The following UBE4B variants were observed in gnomAD, a reference collection of about 807,000 sequenced individuals.
The protein encoded by UBE4B is ubiquitination factor E4B.
In UBE4B, 27 loss-of-function variants were observed where a neutral mutation model predicts 148.1. That is an observed-to-expected ratio of 0.18 (90% CI 0.13 to 0.25). The LOEUF (loss-of-function observed/expected upper bound fraction) is 0.25, where lower values mean the gene tolerates loss of function less well. UBE4B is among the 10% of genes least tolerant of loss of function. The pLI, the probability that UBE4B is intolerant of heterozygous loss-of-function variation, is 1.00. For missense variants in UBE4B, 1,170 were observed against 1,662.4 expected (o/e 0.70, Z 5.15); for synonymous variants, 596 against 619.3 (o/e 0.96, Z 0.56).
intron 18 of UBE4B, chr1:10,145,720 T>C (rs1335898058): frequency 6.6e-6 from 1 of 152,226 alleles, no homozygotes; most frequent in Non-Finnish European, 1.5e-5. Context: ...TAGCCATGCA[T>C]TTCCATGATA....
chr1:10,121,664 T>C (rs916646580), intron 9 of UBE4B, among the ~76,000 whole-genome samples: 2 of 152,056 alleles, frequency 1.3e-5, no homozygotes, highest in African/African-American at 4.8e-5. Context: ...AAAGTGCTGG[T>C]ATTGCAGGCG....
intron 2 of UBE4B, among the ~76,000 whole-genome samples, chr1:10,074,204 G>A (rs968455510): frequency 2.0e-5 from 3 of 151,952 alleles, no homozygotes; most frequent in Admixed American, 1.3e-4. Context: ...CTGTATGTGC[G>A]CCTGGTTCTT....
intron 1 of UBE4B, among the ~76,000 whole-genome samples, chr1:10,043,736 T>G (rs925399030): frequency 6.6e-6 from 1 of 152,260 alleles, no homozygotes; most frequent in East Asian, 1.9e-4. Flanking sequence ...CCGGGATGCT[T>G]CTTATAAATA....
At chr1:10,078,036 GTCTC>G (rs1316462062) in intron 2 of UBE4B, among the ~76,000 whole-genome samples, 1 of 151,208 alleles carries the variant, frequency 6.6e-6, no homozygotes, top group African/African-American at 2.4e-5. Flanking sequence ...TTGAGACGGA[GTCTC>G]TCTCTGTCAC....
intron 1 of UBE4B, among the ~76,000 whole-genome samples, chr1:10,033,977 G>C (rs1307743859): frequency 6.6e-6 from 1 of 152,104 alleles, no homozygotes; most frequent in Non-Finnish European, 1.5e-5. Flanking sequence ...CTTTTCTTCA[G>C]GGTATGCGAA....
chr1:10,137,351 A>G, intron 17 of UBE4B, 146 bp downstream of exon 17: 2 of 1,052,730 alleles, frequency 1.9e-6, no homozygotes, highest in Non-Finnish European at 2.7e-6. Flanking sequence ...CGCCACATCC[A>G]TGTTGCTCAG....
At chr1:10,166,631 T>TA (rs1156537550) in intron 23 of UBE4B, among the ~76,000 whole-genome samples, 1 of 151,888 alleles carries the variant, frequency 6.6e-6, no homozygotes, top group African/African-American at 2.4e-5. Context: ...CTACTAAAAA[T>TA]ACAAAAATTA....
intron 25 of UBE4B, among the ~76,000 whole-genome samples, chr1:10,171,968 C>A (rs1019319033): frequency 6.6e-6 from 1 of 152,166 alleles, no homozygotes; most frequent in African/African-American, 2.4e-5. Context: ...TGAGTTCTTA[C>A]CCCATCTTTT....
At chr1:10,072,875 T>G in intron 2 of UBE4B, 1 of 156,834 alleles carries the variant, frequency 6.4e-6, no homozygotes, top group Non-Finnish European at 1.4e-5. Context: ...TAATTAGGAT[T>G]CTAGTTGCGT....
At chr1:10,058,267 T>C (rs1264098166) in intron 1 of UBE4B, among the ~76,000 whole-genome samples, 1 of 152,190 alleles carries the variant, frequency 6.6e-6, no homozygotes, top group African/African-American at 2.4e-5. Context: ...TTTTTTGAGT[T>C]GGATAAGTAA....
intron 25 of UBE4B, among the ~76,000 whole-genome samples, chr1:10,173,891 C>G (rs1033386611): frequency 7.2e-5 from 11 of 152,166 alleles, no homozygotes; most frequent in Admixed American, 1.3e-4. Flanking sequence ...CTTTGAGCGG[C>G]CTTTGTTTGG....
rs943294540 is a variant in UBE4B at position 10,106,185 on chromosome 1, C to T, written c.810-12C>T. 1 of 1,550,468 alleles carries T rather than the reference C, an allele frequency of 6.4e-7. No individual in the cohort carries two copies. ...TTTTTCTCTTCTTTCCTCCCTTTCT[C>T]AACTAATTTAGCCTCTATGAAAGTA... On this transcript the variant is annotated splice_polypyrimidine_tract_variant and intron_variant, in intron 6 of 27. Coordinates refer to ENST00000343090, the MANE Select transcript of UBE4B (RefSeq NM_001105562.3). The surrounding 1 kb of genome is among the most constrained non-coding windows in gnomAD (Gnocchi z 4.2).
intron 21 of UBE4B, among the ~76,000 whole-genome samples, chr1:10,157,778 AAAT>A (rs910624028): frequency 2.0e-5 from 3 of 151,760 alleles, no homozygotes; most frequent in East Asian, 3.9e-4. Flanking sequence ...TCTGTCTCAA[AAAT>A]AATAATAATA....
At position 10,178,689 on chromosome 1, in the gene UBE4B, C is replaced by T. The variant is rs1419508654; in HGVS notation, c.3571C>T (p.Arg1191Trp). 7 of 1,612,932 alleles carry T rather than the reference C, an allele frequency of 4.3e-6. No homozygotes were observed. The highest frequency in any genetic ancestry group is 1.3e-5 in the African/African-American group (1 of 74,896). ...GTTTGAAGAAGTTATTTCAAAGATG[C>T]GGAAGGCAGGGATCAAATCCACAAT... ...ELFEEVISKM[R>W]KAGIKSTIAI... is the part of the protein sequence containing the mutation. The change falls in exon 26 of 28, where the codon CGG becomes TGG. Residue 1191 changes from arginine to tryptophan, a missense_variant. Coordinates refer to ENST00000343090, the MANE Select transcript of UBE4B (RefSeq NM_001105562.3).
At chr1:10,091,002 C>G (rs761055464) in intron 2 of UBE4B, among the ~76,000 whole-genome samples, 10 of 152,156 alleles carry the variant, frequency 6.6e-5, no homozygotes, top group Admixed American at 1.3e-4. Context: ...TGCATAATTT[C>G]CTTTAGCAAA....
At chr1:10,158,221 C>A (rs1165657787) in intron 21 of UBE4B, 135 bp from the exon 22 acceptor site, 1 of 1,140,786 alleles carries the variant, frequency 8.8e-7, no homozygotes, top group Non-Finnish European at 1.2e-6. Flanking sequence ...GCCCTACATG[C>A]AAAAGAAGTG....
chr1:10,112,785 C>T lies in UBE4B; in HGVS notation c.1197-4674C>T, dbSNP rs781703234. ...TTTGAATCTAAAAATTCTTGTAAATCAGTTTTTGACCATTGACACTTAACG... is the reference window on the plus strand; with the variant it reads ...TTTGAATCTAAAAATTCTTGTAAATTAGTTTTTGACCATTGACACTTAACG... On this transcript the variant is annotated intron_variant, in intron 7 of 27. Transcript: ENST00000343090. Among the ~76,000 whole-genome samples the T allele has an allele frequency of 7.9e-5, 12 of 152,294 alleles. No homozygotes were observed. The South Asian group carries it at 8.3e-4, about 11-fold the overall frequency.
In UBE4B at chr1:10,179,992, A is replaced by G. The variant is rs1357944512; in HGVS notation, c.*36A>G. On this transcript the variant is annotated 3_prime_UTR_variant, in exon 28 of 28. Transcript: ENST00000343090. ...CGCCCACCCTCTGCTAGACACAGCC[A>G]AGGCCAACGAGGCAAGCAGAAGCAG... 6.2e-7 allele frequency: 1 copy of G among 1,612,744 alleles called. No homozygotes were observed. The highest frequency in any genetic ancestry group is 1.3e-5 in the African/African-American group (1 of 74,876).
chr1:10,099,517 A>G (rs1030055271), intron 3 of UBE4B, among the ~76,000 whole-genome samples: 1 of 152,180 alleles, frequency 6.6e-6, no homozygotes, highest in Non-Finnish European at 1.5e-5. Flanking sequence ...TTGGAGAGTA[A>G]TGAAAACTCA....
Sources: gnomAD v4.1 joint callset for allele counts (sites outside exome capture counted in the v4.1 genomes callset) on GRCh38, gnomAD v4.1.1 for gene constraint, Gnocchi (gnomAD v3.1) non-coding constraint, MANE v1.5 for transcripts, NCBI Gene and HGNC (gene_info 2026-07-23, HGNC 2026-07-21) for gene names.